NEXMIF: variants seen among roughly 807,000 people sequenced by gnomAD.
The protein encoded by NEXMIF is neurite extension and migration factor, also known as XLMR protein related to neurite extension.
A neutral mutation model predicts 62.1 loss-of-function variants in NEXMIF; 8 were observed. That is an observed-to-expected ratio of 0.13 (90% CI 0.08 to 0.23). The LOEUF (loss-of-function observed/expected upper bound fraction) is 0.23. Among genes scored for constraint, NEXMIF ranks in the 10% least tolerant of loss-of-function variants. The pLI is 1.00. For synonymous variants in NEXMIF, 404 were observed against 416.6 expected (o/e 0.97, Z 0.37); for missense variants, 976 against 1,113.3 (o/e 0.88, Z 1.75).
rs2080152751 is a variant in NEXMIF, at chrX:74,754,280, TTTTC to T, written c.-47-8587_-47-8584del. ...CCTGGCCCAACTTTCTTTCTTTTTC[TTTTC>T]TTTCTCTTTTTTTATTTTTATTTTT... On this transcript the variant is annotated intron_variant, in intron 1 of 3. Coordinates refer to ENST00000055682, the MANE Select transcript of NEXMIF (RefSeq NM_001008537.3). 3.7e-5 allele frequency among the ~76,000 whole-genome samples: 4 copies of T among 108,691 alleles called. No individual in the cohort carries two copies. The East Asian group carries it at 8.8e-4, about 24-fold the overall frequency. The allele number at this position is 108,691 out of a possible 115,157, so 94.4% of individuals were successfully genotyped here.
In NEXMIF at chrX:74,877,291, C is replaced by A. The variant is rs1252183689; in HGVS notation, c.-48+47592G>T. ...GATATGAAATTCTGGGTTGAAAATT[C>A]TTTTCTTTAAGAATGTTGAATATTG... On this transcript the variant is annotated intron_variant, in intron 1 of 3. Coordinates refer to ENST00000055682, the MANE Select transcript of NEXMIF (RefSeq NM_001008537.3). Among the ~76,000 whole-genome samples the A allele has an allele frequency of 9.8e-4, 109 of 111,400 alleles. 1 individual carries two copies. The highest frequency in any genetic ancestry group is 1.6e-3 in the Non-Finnish European group (87 of 53,009).
chrX:74,762,255 T>C, intron 1 of NEXMIF, among the ~76,000 whole-genome samples: 1 of 110,105 alleles, frequency 9.1e-6, no homozygotes, highest in East Asian at 2.9e-4. Context: ...CTCAGAATGG[T>C]TTCCAGCTAC....
intron 1 of NEXMIF, among the ~76,000 whole-genome samples, chrX:74,912,705 G>A (rs6647577): frequency 0.15 from 16,202 of 110,913 alleles, 1,789 homozygotes; most frequent in East Asian, 0.91. Flanking sequence ...GTAGTGCCAA[G>A]CTCTTTTACT....
intron 1 of NEXMIF, among the ~76,000 whole-genome samples, chrX:74,796,174 TATATATAC>T (rs2080307687): frequency 5.5e-5 from 4 of 72,934 alleles, no homozygotes; most frequent in African/African-American, 2.2e-4. Context: ...ATATATATTA[TATATATAC>T]ATATATATTA....
chrX:74,739,303 C>T lies in NEXMIF; in HGVS notation c.*102G>A. On this transcript the variant is annotated 3_prime_UTR_variant, in exon 4 of 4. Coordinates refer to ENST00000055682, the MANE Select transcript of NEXMIF (RefSeq NM_001008537.3). ...ACATAGAACATGAGATTAAAGTTTG[C>T]TCCAAAGACGTATTCCCACAATTTA... is the stretch of plus-strand genomic sequence containing the variant. 1.9e-6 allele frequency: 1 copy of T among 527,775 alleles called. No homozygotes were observed. The highest frequency in any genetic ancestry group is 3.0e-6 in the Non-Finnish European group (1 of 332,324). 43.5% of individuals were successfully genotyped at this position (527,775 alleles called of 1,213,427 possible). A position where few individuals can be genotyped will look rare whatever the true frequency, so the allele number is the denominator to read the frequency against.
At chrX:74,840,304 AT>A (rs774376086) in intron 1 of NEXMIF, among the ~76,000 whole-genome samples, 2 of 111,424 alleles carry the variant, frequency 1.8e-5, no homozygotes, top group South Asian at 7.6e-4. Context: ...ATAGATGCTG[AT>A]TATGAGACCT....
chrX:74,780,275 CTA>C (rs1392434530), intron 1 of NEXMIF, among the ~76,000 whole-genome samples: 1 of 110,907 alleles, frequency 9.0e-6, no homozygotes, highest in Non-Finnish European at 1.9e-5. Flanking sequence ...GCCTGGAACT[CTA>C]TATACCACAT....
chrX:74,796,426 T>C lies in NEXMIF; in HGVS notation c.-47-50729A>G, dbSNP rs1312693531. Among the ~76,000 whole-genome samples, 7 of 102,010 alleles carry C rather than the reference T, an allele frequency of 6.9e-5. No individual in the cohort carries two copies. The East Asian group carries it at 1.2e-3, about 18-fold the overall frequency. 88.6% of individuals were successfully genotyped at this position (102,010 alleles called of 115,157 possible). ...CACTGAGAAAGTCTGGAAGCAATGA[T>C]AGCTTGGTAAAAATGACCACTCCTA... On this transcript the variant is annotated intron_variant, in intron 1 of 3. Transcript: ENST00000055682.
chrX:74,899,875 TTG>T (rs1399225406), intron 1 of NEXMIF, among the ~76,000 whole-genome samples: 1 of 111,639 alleles, frequency 9.0e-6, no homozygotes, highest in African/African-American at 3.3e-5. Flanking sequence ...AACAACATTA[TTG>T]TGAAATAACA....
In NEXMIF at chrX:74,925,375, A is replaced by C; in HGVS notation, c.-540T>G. The C allele has an allele frequency of 2.3e-5, 4 of 171,822 alleles. No homozygotes were observed. In the South Asian group the frequency reaches 3.3e-4, roughly 14 times the overall value. 14.2% of individuals were successfully genotyped at this position (171,822 alleles called of 1,213,427 possible). On this transcript the variant is annotated 5_prime_UTR_variant, in exon 1 of 4. Transcript: ENST00000055682. ...GTTAAAGCTATTGCTAAATGCTGCT[A>C]CTGCCGCTAATGCTACTGCTGTGGC...
At chrX:74,816,683 CT>C (rs765457813) in intron 1 of NEXMIF, among the ~76,000 whole-genome samples, 4 of 111,707 alleles carry the variant, frequency 3.6e-5, no homozygotes, top group Non-Finnish European at 5.6e-5. Context: ...GCATGACTTC[CT>C]TTAAAATCTC....
At chrX:74,845,747 T>A (rs2080489862) in intron 1 of NEXMIF, among the ~76,000 whole-genome samples, 1 of 110,588 alleles carries the variant, frequency 9.0e-6, no homozygotes. Flanking sequence ...CTCCTACAAG[T>A]GAGCCACAAC....
chrX:74,886,312 G>A (rs1263828352), intron 1 of NEXMIF, among the ~76,000 whole-genome samples: 1 of 111,620 alleles, frequency 9.0e-6, no homozygotes, highest in African/African-American at 3.3e-5. Context: ...AATGAGGCAG[G>A]AGAAGGAAAT....
At chrX:74,836,605 G>T (rs988752477) in intron 1 of NEXMIF, among the ~76,000 whole-genome samples, 12 of 111,092 alleles carry the variant, frequency 1.1e-4, no homozygotes, top group Admixed American at 3.8e-4. Context: ...CTGGAATAAG[G>T]GCCTCACGAC....
intron 1 of NEXMIF, among the ~76,000 whole-genome samples, chrX:74,760,376 CTTTA>C (rs1277881814): frequency 1.8e-5 from 2 of 111,350 alleles, no homozygotes; most frequent in Non-Finnish European, 3.8e-5. Context: ...TTTGGATGCC[CTTTA>C]TTTCTTTCTC....
chrX:74,824,690 C>A (rs1355852215), intron 1 of NEXMIF, among the ~76,000 whole-genome samples: 2 of 108,105 alleles, frequency 1.9e-5, no homozygotes, highest in Non-Finnish European at 1.9e-5. Flanking sequence ...ACTCTGTCGC[C>A]CAGGCTGGAG....
chrX:74,877,220 G>T (rs2147509002), intron 1 of NEXMIF, among the ~76,000 whole-genome samples: 2 of 110,982 alleles, frequency 1.8e-5, no homozygotes, highest in South Asian at 3.9e-4. Context: ...TTGCTTATCT[G>T]TAAAGTATTT....
At chrX:74,793,536 G>T (rs1184921637) in intron 1 of NEXMIF, among the ~76,000 whole-genome samples, 1 of 111,318 alleles carries the variant, frequency 9.0e-6, no homozygotes, top group Non-Finnish European at 1.9e-5. Context: ...TTGCTAGATT[G>T]GGGAAGTTCT....
chrX:74,777,246 C>A (rs1469423630), intron 1 of NEXMIF, among the ~76,000 whole-genome samples: 1 of 111,433 alleles, frequency 9.0e-6, no homozygotes, highest in Non-Finnish European at 1.9e-5. Flanking sequence ...ACAGCTTTAC[C>A]ATCATTATAG....
Sources: allele counts gnomAD v4.1 joint callset (sites outside exome capture counted in the v4.1 genomes callset), GRCh38; gene constraint gnomAD v4.1.1; transcripts MANE v1.5; gene names NCBI Gene and HGNC (gene_info 2026-07-23, HGNC 2026-07-21).